The following IFT52 variants were observed in gnomAD, a reference collection of about 807,000 sequenced individuals.
IFT52 encodes intraflagellar transport 52, also known as intraflagellar transport protein 52 homolog.
In IFT52, 44 loss-of-function variants were observed where a neutral mutation model predicts 54.4. The observed-to-expected ratio is 0.81, with a 90% CI of 0.63 to 1.04. The LOEUF (loss-of-function observed/expected upper bound fraction) is 1.04. IFT52 is among the 50% of genes least tolerant of loss of function. The pLI is 0.00. For missense variants in IFT52, 452 were observed against 523.6 expected (o/e 0.86, Z 1.33); for synonymous variants, 181 against 185.3 (o/e 0.98, Z 0.19).
intron 10 of IFT52, among the ~76,000 whole-genome samples, chr20:43,625,119 C>A (rs1439845316): frequency 2.0e-5 from 3 of 152,036 alleles, no homozygotes; most frequent in South Asian, 2.1e-4. Context: ...CAAGACATTT[C>A]TATATGTGTG....
At chr20:43,603,077 T>C (rs1346879440) in intron 3 of IFT52, among the ~76,000 whole-genome samples, 1 of 152,188 alleles carries the variant, frequency 6.6e-6, no homozygotes, top group Non-Finnish European at 1.5e-5. Flanking sequence ...GAGTGCTTGA[T>C]GAAGAAAGTT....
intron 9 of IFT52, among the ~76,000 whole-genome samples, chr20:43,622,660 A>ATATGTAAATATAAATATATACATATTT (rs1568767562): frequency 6.9e-5 from 10 of 145,914 alleles, no homozygotes; most frequent in Admixed American, 2.1e-4. Context: ...TATATATTTT[A>ATATGTAAATATAAATATATACATATTT]TATGTAAATA....
At chr20:43,600,613 G>A (rs1319809403) in intron 3 of IFT52, among the ~76,000 whole-genome samples, 1 of 152,090 alleles carries the variant, frequency 6.6e-6, no homozygotes, top group Non-Finnish European at 1.5e-5. Flanking sequence ...AGTTTACATG[G>A]TAGTTGGGTA....
At chr20:43,640,755 G>C (rs1985854710) in intron 12 of IFT52, among the ~76,000 whole-genome samples, 1 of 152,104 alleles carries the variant, frequency 6.6e-6, no homozygotes, top group Non-Finnish European at 1.5e-5. Flanking sequence ...ATTAATTACA[G>C]CTGGGCTCAG....
At position 43,603,769 on chromosome 20, in the gene IFT52, C is replaced by T. The variant is rs750564643; in HGVS notation, c.217C>T (p.Leu73=). The change falls in exon 4 of 14, where the codon CTG becomes TTG. Residue 73 remains leucine, a synonymous_variant. Coordinates refer to ENST00000373030, the MANE Select transcript of IFT52 (RefSeq NM_016004.5). ...TTTTTCCTTTGTGTAGTTTGAAATCCTGAAGAAATATCTTGACACTGGTGG... is the reference window on the plus strand; with the variant it reads ...TTTTTCCTTTGTGTAGTTTGAAATCTTGAAGAAATATCTTGACACTGGTGG... The part of the protein sequence containing the change: ...EKFTAAEFEI[L]KKYLDTGGDV... 1.2e-6 allele frequency: 2 copies of T among 1,611,354 alleles called. No homozygotes were observed. Among genetic ancestry groups the T allele is most frequent in the Non-Finnish European group, 1.7e-6 (2 of 1,179,208 alleles).
chr20:43,623,381 T>C (rs1301573810), intron 9 of IFT52, among the ~76,000 whole-genome samples: 1 of 152,046 alleles, frequency 6.6e-6, no homozygotes, highest in African/African-American at 2.4e-5. Flanking sequence ...GTGACAGGGT[T>C]TTGCCATATT....
intron 12 of IFT52, among the ~76,000 whole-genome samples, chr20:43,638,516 A>G (rs1338418708): frequency 6.6e-6 from 1 of 152,174 alleles, no homozygotes; most frequent in Non-Finnish European, 1.5e-5. Flanking sequence ...TATTTTTAAA[A>G]TACAATAAAC....
At chr20:43,619,836 A>G (rs1308255910) in intron 8 of IFT52, among the ~76,000 whole-genome samples, 1 of 151,974 alleles carries the variant, frequency 6.6e-6, no homozygotes, top group Admixed American at 6.6e-5. Context: ...GAGATTGATA[A>G]AGATCTTATT....
At position 43,594,753 on chromosome 20, in the gene IFT52, T is replaced by C. The variant is rs1601016622; in HGVS notation, c.55T>C (p.Phe19Leu). 1.9e-6 allele frequency: 3 copies of C among 1,613,542 alleles called. No homozygotes were observed. Among genetic ancestry groups the C allele is most frequent in the Middle Eastern group, 1.7e-4 (1 of 6,060 alleles). Residue 19 changes from phenylalanine to leucine, a missense_variant, in exon 2 of 14, where the codon TTT (phenylalanine) becomes CTT (leucine). By Grantham distance (22) the Phe-to-Leu change is conservative. Coordinates refer to ENST00000373030, the MANE Select transcript of IFT52 (RefSeq NM_016004.5). ...ILFNAYKKEI[F>L]TTNNGYKSMQ... ...TTTCAATGCCTACAAAAAGGAGATA[T>C]TTACCACCAACAATGGCTACAAATC...
At chr20:43,594,232 C>T (rs775465428) in intron 1 of IFT52, among the ~76,000 whole-genome samples, 15 of 151,980 alleles carry the variant, frequency 9.9e-5, no homozygotes, top group Non-Finnish European at 1.5e-4. Flanking sequence ...CGCTTGAACC[C>T]GGGAGATGGA....
intron 11 of IFT52, among the ~76,000 whole-genome samples, chr20:43,636,665 C>G (rs541782088): frequency 1.0e-3 from 158 of 152,338 alleles, no homozygotes; most frequent in African/African-American, 3.7e-3. Context: ...TCAATACTTT[C>G]TACACTAATC....
intron 3 of IFT52, among the ~76,000 whole-genome samples, chr20:43,597,866 G>C (rs6103391): frequency 0.77 from 112,314 of 145,796 alleles, 43,378 homozygotes; most frequent in Non-Finnish European, 0.8. Flanking sequence ...GCACTCCAGC[G>C]TTGGCAACAG....
At chr20:43,620,538 C>A (rs540616795) in intron 8 of IFT52, among the ~76,000 whole-genome samples, 5 of 152,228 alleles carry the variant, frequency 3.3e-5, no homozygotes, top group Middle Eastern at 6.8e-3. Context: ...CACCTGTAAT[C>A]CCAGCTCCTC....
At chr20:43,629,888 C>T (rs1173371916) in intron 10 of IFT52, among the ~76,000 whole-genome samples, 2 of 152,182 alleles carry the variant, frequency 1.3e-5, no homozygotes, top group African/African-American at 4.8e-5. Flanking sequence ...CGCTGAGGCA[C>T]AGAGAAATTA....
chr20:43,607,931 G>A (rs914889562), intron 6 of IFT52, among the ~76,000 whole-genome samples: 6 of 152,200 alleles, frequency 3.9e-5, no homozygotes, highest in Non-Finnish European at 7.3e-5. Context: ...GATCACTCGC[G>A]GTTAGGAGCT....
At chr20:43,632,505 C>T (rs142478037) in intron 10 of IFT52, among the ~76,000 whole-genome samples, 5,483 of 152,216 alleles carry the variant, frequency 0.036, 126 homozygotes, top group Middle Eastern at 0.11. Context: ...AGGTGATCCA[C>T]CCACCTCAGC....
At chr20:43,641,532 C>T (rs1004344597) in intron 12 of IFT52, among the ~76,000 whole-genome samples, 7 of 150,596 alleles carry the variant, frequency 4.6e-5, no homozygotes, top group Admixed American at 4.0e-4. Flanking sequence ...GCCACCACGT[C>T]CCCCAGGCTG....
At chr20:43,608,490 T>C (rs1983154789) in intron 6 of IFT52, among the ~76,000 whole-genome samples, 1 of 152,226 alleles carries the variant, frequency 6.6e-6, no homozygotes, top group South Asian at 2.1e-4. Flanking sequence ...TTTTTGGCCA[T>C]TTTTCAATTG....
Position 43,608,084 on chromosome 20 carries a change from C to T in IFT52, c.485+3011C>T, listed in dbSNP as rs1308596590. Among the ~76,000 whole-genome samples the T allele has an allele frequency of 3.9e-5, 6 of 152,234 alleles. No individual in the cohort carries two copies. In the South Asian group the frequency reaches 6.2e-4, roughly 16 times the overall value. On this transcript the variant is annotated intron_variant, in intron 6 of 13. Transcript: ENST00000373030. ...ATCAGGCAGGGAGGTTGCAGTGAGC[C>T]GAGATGGCAGCAGTATAGTCCAGCT...
Sources: gnomAD v4.1 joint callset for allele counts (sites outside exome capture counted in the v4.1 genomes callset) on GRCh38, gnomAD v4.1.1 for gene constraint, MANE v1.5 for transcripts, NCBI Gene and HGNC (gene_info 2026-07-23, HGNC 2026-07-21) for gene names.